Variants in RIMBP2 observed in about 807,000 individuals in gnomAD.
The protein encoded by RIMBP2 is RIMS-binding protein 2.
Under a neutral mutation model 118.6 loss-of-function variants are expected in RIMBP2, and 48 were observed. The ratio of observed to expected loss-of-function variants is 0.40; its 90% CI spans 0.32 to 0.51. The LOEUF (loss-of-function observed/expected upper bound fraction) is 0.51, where lower values mean the gene tolerates loss of function less well. RIMBP2 is among the 20% of genes least tolerant of loss of function. RIMBP2 has a pLI of 0.41. For missense variants in RIMBP2, 1,551 were observed against 1,768.3 expected, an observed-to-expected ratio of 0.88 and a Z score of 2.20; for synonymous variants, 762 against 742.9, an observed-to-expected ratio of 1.03 and a Z score of -0.42.
intron 10 of RIMBP2, among the ~76,000 whole-genome samples, chr12:130,443,559 G>A (rs2078299771): frequency 6.6e-6 from 1 of 152,194 alleles, no homozygotes; most frequent in African/African-American, 2.4e-5. Flanking sequence ...CTGCCTCAGG[G>A]GAGCATGTGA....
At chr12:130,639,922 C>T (rs189975246) in intron 1 of RIMBP2, among the ~76,000 whole-genome samples, 3 of 152,288 alleles carry the variant, frequency 2.0e-5, no homozygotes, top group Admixed American at 6.5e-5. Flanking sequence ...GAGCTTAAGA[C>T]GCTTGGATCA....
At chr12:130,628,978 T>G (rs1322246525) in intron 1 of RIMBP2, among the ~76,000 whole-genome samples, 2 of 152,208 alleles carry the variant, frequency 1.3e-5, no homozygotes, top group African/African-American at 4.8e-5. Context: ...CTACACATAG[T>G]AAACTCTTAA....
chr12:130,412,534 T>A, intron 19 of RIMBP2, 85 bp downstream of exon 19: 1 of 1,257,576 alleles, frequency 8.0e-7, no homozygotes. Flanking sequence ...ATTTGGGGTC[T>A]CCTCATCACC....
At chr12:130,654,844 C>A (rs11061059) in intron 1 of RIMBP2, among the ~76,000 whole-genome samples, 21,987 of 152,186 alleles carry the variant, frequency 0.14, 1,684 homozygotes, top group African/African-American at 0.17. Flanking sequence ...CAAAGAGGAG[C>A]CAGCATGTCA....
intron 2 of RIMBP2, among the ~76,000 whole-genome samples, chr12:130,593,590 G>A (rs1319367693): frequency 2.6e-5 from 4 of 152,252 alleles, no homozygotes; most frequent in East Asian, 1.9e-4. Context: ...GGATGGCGAC[G>A]TGAGTTGGGC....
intron 7 of RIMBP2, 49 bp downstream of exon 7, chr12:130,456,447 C>A: frequency 6.7e-7 from 1 of 1,494,208 alleles, no homozygotes; most frequent in East Asian, 2.3e-5. Flanking sequence ...AGGCAGCCAA[C>A]GGCCATTCTC....
At chr12:130,459,061 A>AAAAAAC (rs1566077080) in intron 6 of RIMBP2, among the ~76,000 whole-genome samples, 15 of 8,654 alleles carry the variant, frequency 1.7e-3, no homozygotes, top group Middle Eastern at 0.056. Flanking sequence ...AAAAAAAAAC[A>AAAAAAC]AAAAAAAAGT....
At chr12:130,646,753 C>T (rs891547714) in intron 1 of RIMBP2, among the ~76,000 whole-genome samples, 12 of 152,336 alleles carry the variant, frequency 7.9e-5, no homozygotes, top group Middle Eastern at 3.4e-3. Flanking sequence ...AAGAGAAAGC[C>T]GCCTCCAGGG....
chr12:130,570,625 G>A (rs575593963), intron 2 of RIMBP2, among the ~76,000 whole-genome samples: 8 of 152,248 alleles, frequency 5.3e-5, no homozygotes, highest in African/African-American at 9.6e-5. Flanking sequence ...TGGACGAGTC[G>A]TCTAGACTGC....
chr12:130,560,338 G>T (rs2056717322), intron 2 of RIMBP2, among the ~76,000 whole-genome samples: 1 of 152,046 alleles, frequency 6.6e-6, no homozygotes, highest in Non-Finnish European at 1.5e-5. Flanking sequence ...TCGGTTCCAG[G>T]GTTTCTCAAC....
At chr12:130,526,202 A>C (rs2139234243) in intron 2 of RIMBP2, among the ~76,000 whole-genome samples, 1 of 152,280 alleles carries the variant, frequency 6.6e-6, no homozygotes, top group East Asian at 1.9e-4. Context: ...AGTTCCATGA[A>C]ATCTAAAAGA....
rs539463557 is a variant in RIMBP2 at position 130,688,866 on chromosome 12, G to A, written c.-352+27356C>T. ...AACTCTGCAAAACGCTGGCTGAAAC[G>A]TGGGCCTCACGTTGCCTGAGGCAGC... On this transcript the variant is annotated intron_variant, in intron 1 of 22. Transcript: ENST00000690449. The surrounding 1 kb of genome is among the most constrained non-coding windows in gnomAD (Gnocchi z 4.7). Among the ~76,000 whole-genome samples the A allele has an allele frequency of 3.9e-5, 6 of 152,366 alleles. No homozygotes were observed. The South Asian group carries it at 6.2e-4, about 16-fold the overall frequency.
At chr12:130,556,092 G>C (rs1261167656) in intron 2 of RIMBP2, among the ~76,000 whole-genome samples, 2 of 152,220 alleles carry the variant, frequency 1.3e-5, no homozygotes, top group Non-Finnish European at 2.9e-5. Context: ...TCTGACCGGG[G>C]AGTCAAGGCT....
intron 6 of RIMBP2, among the ~76,000 whole-genome samples, chr12:130,457,990 C>T (rs1278115998): frequency 1.3e-5 from 2 of 152,110 alleles, no homozygotes. Flanking sequence ...AAATGTCAGC[C>T]CCATGAGGGC....
intron 2 of RIMBP2, among the ~76,000 whole-genome samples, chr12:130,556,137 G>A (rs1054923234): frequency 1.2e-4 from 18 of 152,150 alleles, no homozygotes; most frequent in African/African-American, 3.9e-4. Flanking sequence ...AAGCAAACCC[G>A]TGTTTTCAAT....
intron 1 of RIMBP2, among the ~76,000 whole-genome samples, chr12:130,697,188 A>C (rs941661606): frequency 5.3e-5 from 8 of 152,218 alleles, no homozygotes; most frequent in African/African-American, 1.9e-4. Flanking sequence ...AGCCATCCTG[A>C]ACTAAGACCA....
At chr12:130,497,191 G>A (rs1003787425) in intron 4 of RIMBP2, among the ~76,000 whole-genome samples, 8 of 152,114 alleles carry the variant, frequency 5.3e-5, no homozygotes, top group African/African-American at 1.9e-4. Context: ...CCTTCACCTA[G>A]TTACATCTCC....
chr12:130,447,024 G>A lies in RIMBP2; in HGVS notation c.582-1755C>T, dbSNP rs953612399. On this transcript the variant is annotated intron_variant, in intron 9 of 22. Coordinates refer to ENST00000690449, the MANE Select transcript of RIMBP2 (RefSeq NM_001393629.1). This position sits in a 1 kb window ranked among gnomAD's most constrained non-coding sequence, Gnocchi z 4.4. ...GGTTTTCAGGGGGATCTGCAGGGGG[G>A]TCTGGATGGGTAGATGGCCGAGACA... Among the ~76,000 whole-genome samples the A allele has an allele frequency of 1.3e-5, 2 of 150,890 alleles. No individual in the cohort carries two copies. The highest frequency in any genetic ancestry group is 3.0e-5 in the Non-Finnish European group (2 of 67,732).
chr12:130,634,243 G>C (rs1013801909), intron 1 of RIMBP2, among the ~76,000 whole-genome samples: 1 of 152,192 alleles, frequency 6.6e-6, no homozygotes. Context: ...CGGAGACGGG[G>C]AGGCGGGTAA....
Sources: allele counts gnomAD v4.1 joint callset (sites outside exome capture counted in the v4.1 genomes callset), GRCh38; gene constraint gnomAD v4.1.1; non-coding constraint Gnocchi (gnomAD v3.1); transcripts MANE v1.5; gene names NCBI Gene and HGNC (gene_info 2026-07-23, HGNC 2026-07-21).